Variants in TPCN1 observed in about 807,000 individuals in gnomAD.
TPCN1 encodes two pore channel protein 1.
TPCN1 carries 52 observed loss-of-function variants against 108.8 expected under a neutral mutation model. The observed-to-expected ratio is 0.48, with a 90% CI of 0.38 to 0.60. TPCN1 has a LOEUF of 0.60. TPCN1 is among the 20% of genes least tolerant of loss of function. TPCN1 has a pLI of 0.00. For synonymous variants in TPCN1, 446 were observed against 433.7 expected, an observed-to-expected ratio of 1.03 and a Z score of -0.35; for missense variants, 806 against 1,072.8, an observed-to-expected ratio of 0.75 and a Z score of 3.47.
chr12:113,264,078 T>A (rs1308805767), intron 3 of TPCN1, among the ~76,000 whole-genome samples: 1 of 152,176 alleles, frequency 6.6e-6, no homozygotes, highest in Non-Finnish European at 1.5e-5. Flanking sequence ...ATACATTTTT[T>A]TTTTTGGTTA....
rs558522509 is a variant in TPCN1, at chr12:113,231,478, C to G, written c.112+4514C>G. Among the ~76,000 whole-genome samples the G allele has an allele frequency of 6.6e-6, 1 of 152,276 alleles. No individual in the cohort carries two copies. The highest frequency in any genetic ancestry group is 2.4e-5 in the African/African-American group (1 of 41,544). On this transcript the variant is annotated intron_variant, in intron 2 of 27. Coordinates refer to ENST00000335509, the MANE Select transcript of TPCN1 (RefSeq NM_017901.6). This position sits in a 1 kb window ranked among gnomAD's most constrained non-coding sequence, Gnocchi z 4.3. ...TTTACCTTAATCACCTTTAAAGGCC[C>G]TTTCTCCAAAGACAGTCACATTCTG...
chr12:113,233,125 C>G (rs1308944808), intron 2 of TPCN1, among the ~76,000 whole-genome samples: 1 of 152,208 alleles, frequency 6.6e-6, no homozygotes, highest in Non-Finnish European at 1.5e-5. Context: ...TTCACTTCCT[C>G]AGCCCTCCAC....
chr12:113,236,718 C>T (rs1172443293), intron 2 of TPCN1, among the ~76,000 whole-genome samples: 1 of 152,100 alleles, frequency 6.6e-6, no homozygotes, highest in African/African-American at 2.4e-5. Flanking sequence ...GGTGTGGTTA[C>T]ATGCACTCTG....
In TPCN1 at chr12:113,272,080, C is replaced by T. The variant is rs765798257; in HGVS notation, c.749-578C>T. On this transcript the variant is annotated intron_variant, in intron 7 of 27. Coordinates refer to ENST00000335509, the MANE Select transcript of TPCN1 (RefSeq NM_017901.6). This position sits in a 1 kb window ranked among gnomAD's most constrained non-coding sequence, Gnocchi z 4.1. ...TCTCACTTCCTCCCACCCACCACCC[C>T]ACTCTTGGTAGAATTTTGTTTGTGC... is the stretch of plus-strand genomic sequence containing the variant. Among the ~76,000 whole-genome samples, 2 of 152,196 alleles carry T rather than the reference C, an allele frequency of 1.3e-5. No homozygotes were observed. The highest frequency in any genetic ancestry group is 2.4e-5 in the African/African-American group (1 of 41,444).
At position 113,272,330 on chromosome 12, in the gene TPCN1, A is replaced by G. The variant is rs1955530847; in HGVS notation, c.749-328A>G. The stretch of plus-strand genomic sequence containing the variant: ...AAACAGCAGCCTGGATTCCAGATCC[A>G]GCCTACAGATGGGTTTTGTTTGGTC... On this transcript the variant is annotated intron_variant, in intron 7 of 27. Coordinates refer to ENST00000335509, the MANE Select transcript of TPCN1 (RefSeq NM_017901.6). This position sits in a 1 kb window ranked among gnomAD's most constrained non-coding sequence, Gnocchi z 4.1. Among the ~76,000 whole-genome samples, 1 of 152,240 alleles carries G rather than the reference A, an allele frequency of 6.6e-6. No individual in the cohort carries two copies. The highest frequency in any genetic ancestry group is 1.5e-5 in the Non-Finnish European group (1 of 68,042).
intron 19 of TPCN1, 40 bp downstream of exon 19, chr12:113,287,134 G>C: frequency 6.5e-7 from 1 of 1,534,038 alleles, no homozygotes; most frequent in Non-Finnish European, 9.0e-7. Flanking sequence ...GAGAAAGAGA[G>C]GGAGGACGGG....
intron 24 of TPCN1, 38 bp from the exon 25 acceptor site, chr12:113,291,836 T>TC (rs1566206813): frequency 3.0e-6 from 2 of 670,428 alleles, no homozygotes; most frequent in East Asian, 8.9e-5. Context: ...CCCACCCTCC[T>TC]CCCCTGCCTC....
chr12:113,246,818 G>A (rs191148326), intron 2 of TPCN1, among the ~76,000 whole-genome samples: 9 of 152,328 alleles, frequency 5.9e-5, no homozygotes, highest in African/African-American at 2.2e-4. Context: ...TGCTTCTTCC[G>A]TGGTCCGTAA....
chr12:113,260,153 A>G, intron 2 of TPCN1: 1 of 450,556 alleles, frequency 2.2e-6, no homozygotes, highest in Non-Finnish European at 3.8e-6. Flanking sequence ...ACTCTTTTGT[A>G]CTTGCTTTTT....
chr12:113,254,780 G>A (rs1369968425), intron 2 of TPCN1, among the ~76,000 whole-genome samples: 1 of 152,116 alleles, frequency 6.6e-6, no homozygotes, highest in African/African-American at 2.4e-5. Context: ...TCAGATTTTC[G>A]GATTAGGGAT....
intron 17 of TPCN1, 150 bp from the exon 18 acceptor site, chr12:113,285,739 T>C (rs1956052608): frequency 7.2e-6 from 5 of 694,502 alleles, no homozygotes; most frequent in Non-Finnish European, 1.0e-5. Context: ...GCACCTGCTC[T>C]CACGCTGGGA....
Position 113,285,752 on chromosome 12 carries a change from T to G in TPCN1, c.1454-137T>G, listed in dbSNP as rs988934268. Reference sequence around the variant, plus strand: ...GAGCACCTGCTCTCACGCTGGGACATGAGTGAGGCCTGGGCTCAGCCTGGA... The same window carrying G: ...GAGCACCTGCTCTCACGCTGGGACAGGAGTGAGGCCTGGGCTCAGCCTGGA... On this transcript the variant is annotated intron_variant, in intron 17 of 27. Transcript: ENST00000335509. The G allele has an allele frequency of 1.1e-4, 85 of 742,150 alleles. No individual in the cohort carries two copies. In the African/African-American group the frequency reaches 1.5e-3, roughly 13 times the overall value. 46.0% of individuals were successfully genotyped at this position (742,150 alleles called of 1,614,324 possible).
At chr12:113,228,984 G>A (rs1012045503) in intron 2 of TPCN1, among the ~76,000 whole-genome samples, 3 of 152,216 alleles carry the variant, frequency 2.0e-5, no homozygotes, top group African/African-American at 4.8e-5. Context: ...TCCCTCCAAC[G>A]TGCCTGACCT....
intron 2 of TPCN1, among the ~76,000 whole-genome samples, chr12:113,254,919 C>T (rs74461050): frequency 0.033 from 4,966 of 152,268 alleles, 228 homozygotes; most frequent in East Asian, 0.15. Context: ...AGGATATCTA[C>T]GAGAAACTTC....
At chr12:113,277,962 C>G (rs916082107) in intron 12 of TPCN1, among the ~76,000 whole-genome samples, 2 of 152,150 alleles carry the variant, frequency 1.3e-5, no homozygotes, top group Non-Finnish European at 2.9e-5. Context: ...TTAGTGCCAT[C>G]GGTGGAGACT....
intron 11 of TPCN1, 32 bp from the exon 12 acceptor site, chr12:113,277,208 T>C (rs369293863): frequency 3.3e-5 from 53 of 1,611,264 alleles, no homozygotes; most frequent in Non-Finnish European, 4.2e-5. Context: ...GGGAGTAGCC[T>C]GGGTTCCACA....
intron 7 of TPCN1, among the ~76,000 whole-genome samples, chr12:113,271,743 G>A (rs1301943364): frequency 6.6e-6 from 1 of 152,154 alleles, no homozygotes; most frequent in Non-Finnish European, 1.5e-5. Flanking sequence ...CGGTGCTCAC[G>A]CTTGAGAGTT....
At chr12:113,253,507 C>A (rs915191971) in intron 2 of TPCN1, among the ~76,000 whole-genome samples, 1 of 152,176 alleles carries the variant, frequency 6.6e-6, no homozygotes, top group Non-Finnish European at 1.5e-5. Flanking sequence ...GCTGGAGGAT[C>A]TATTTTTGAG....
chr12:113,289,981 G>C lies in TPCN1; in HGVS notation c.1797-147G>C. On this transcript the variant is annotated intron_variant, in intron 21 of 27. Coordinates refer to ENST00000335509, the MANE Select transcript of TPCN1 (RefSeq NM_017901.6). This position sits in a 1 kb window ranked among gnomAD's most constrained non-coding sequence, Gnocchi z 4.1. ...TCCTTCAGCAGGGACCCAGGCATGA[G>C]GTGGAGAGGGTTAGGCAGGAAACCA... The C allele has an allele frequency of 1.7e-6, 1 of 592,950 alleles. No homozygotes were observed. Among genetic ancestry groups the C allele is most frequent in the Non-Finnish European group, 3.0e-6 (1 of 333,160 alleles). 36.7% of individuals were successfully genotyped at this position (592,950 alleles called of 1,614,324 possible). A position where few individuals can be genotyped will look rare whatever the true frequency, so the allele number is the denominator to read the frequency against.
Sources: allele counts gnomAD v4.1 joint callset (sites outside exome capture counted in the v4.1 genomes callset), GRCh38; gene constraint gnomAD v4.1.1; non-coding constraint Gnocchi (gnomAD v3.1); transcripts MANE v1.5; gene names NCBI Gene and HGNC (gene_info 2026-07-23, HGNC 2026-07-21).